The following SUZ12 variants were observed in gnomAD, a reference collection of about 807,000 sequenced individuals.
The protein encoded by SUZ12 is SUZ12 polycomb repressive complex 2 subunit.
Under a neutral mutation model 87.3 loss-of-function variants are expected in SUZ12, and 17 were observed. That is an observed-to-expected ratio of 0.19 (90% CI 0.13 to 0.29). SUZ12 has a LOEUF of 0.29. SUZ12 is among the 10% of genes least tolerant of loss of function. The pLI is 1.00. For missense variants in SUZ12, 526 were observed against 912.2 expected (o/e 0.58, Z 5.45); for synonymous variants, 253 against 312.4 (o/e 0.81, Z 2.01).
intron 4 of SUZ12, among the ~76,000 whole-genome samples, chr17:31,964,446 A>G (rs543038): frequency 0.22 from 30,541 of 136,532 alleles, 3,083 homozygotes; most frequent in African/African-American, 0.42. Context: ...TCCCCCTGTC[A>G]CCCAGGCTGG....
At chr17:31,942,623 C>T (rs1906372522) in intron 3 of SUZ12, among the ~76,000 whole-genome samples, 1 of 152,200 alleles carries the variant, frequency 6.6e-6, no homozygotes, top group African/African-American at 2.4e-5. Context: ...AGACCTGAGC[C>T]ACAGCGCCCG....
chr17:31,975,062 T>TAAGGAC (rs1908664819), intron 6 of SUZ12, among the ~76,000 whole-genome samples: 1 of 152,198 alleles, frequency 6.6e-6, no homozygotes, highest in Non-Finnish European at 1.5e-5. Context: ...ATGGTCCTAT[T>TAAGGAC]AGTCACTGTC....
chr17:31,994,864 C>G, intron 13 of SUZ12, 143 bp downstream of exon 13: 2 of 741,600 alleles, frequency 2.7e-6, no homozygotes, highest in Non-Finnish European at 4.1e-6. Flanking sequence ...TTGTTAACTA[C>G]TTTATAACAC....
intron 8 of SUZ12, among the ~76,000 whole-genome samples, chr17:31,977,018 T>A (rs1567829114): frequency 6.6e-6 from 1 of 152,234 alleles, no homozygotes; most frequent in Non-Finnish European, 1.5e-5. Flanking sequence ...AAATGGTTAC[T>A]GTTTTAGAGA....
At chr17:31,945,005 G>A (rs529786855) in intron 3 of SUZ12, among the ~76,000 whole-genome samples, 35 of 148,092 alleles carry the variant, frequency 2.4e-4, no homozygotes, top group Non-Finnish European at 3.6e-4. Flanking sequence ...AAGTTCGAAG[G>A]TTGCTATGAA....
chr17:31,994,105 A>T (rs1241359321), intron 12 of SUZ12, 97 bp downstream of exon 12: 1 of 1,195,216 alleles, frequency 8.4e-7, no homozygotes, highest in Non-Finnish European at 1.1e-6. Context: ...TTTTAAATTA[A>T]AAAAGGGAAA....
In SUZ12 at chr17:31,937,013, A is replaced by G; in HGVS notation, c.-234A>G. 1 of 358,060 alleles carries G rather than the reference A, an allele frequency of 2.8e-6. No individual in the cohort carries two copies. Among genetic ancestry groups the G allele is most frequent in the African/African-American group, 2.1e-5 (1 of 47,750 alleles). The allele number at this position is 358,060 out of a possible 1,614,324, so 22.2% of individuals were successfully genotyped here. ...CCGGGCGGGGGAAGTGGGCGGAGCG[A>G]GGCCAGGGTAGGGTGAGCGGCCTCC... On this transcript the variant is annotated 5_prime_UTR_variant, in exon 1 of 16. Coordinates refer to ENST00000322652, the MANE Select transcript of SUZ12 (RefSeq NM_015355.4).
At chr17:31,995,844 T>C in intron 14 of SUZ12, 82 bp downstream of exon 14, 1 of 1,023,236 alleles carries the variant, frequency 9.8e-7, no homozygotes, top group South Asian at 1.6e-5. Flanking sequence ...TAGACTTTTA[T>C]TGTAAAGGAA....
intron 10 of SUZ12, among the ~76,000 whole-genome samples, chr17:31,992,930 C>G (rs1909795384): frequency 6.6e-6 from 1 of 151,992 alleles, no homozygotes; most frequent in South Asian, 2.1e-4. Flanking sequence ...TGGTCTCTAA[C>G]TCCTGACATC....
intron 4 of SUZ12, among the ~76,000 whole-genome samples, chr17:31,962,080 T>C (rs1174777424): frequency 6.6e-6 from 1 of 152,204 alleles, no homozygotes; most frequent in African/African-American, 2.4e-5. Flanking sequence ...TAGCTCTTGA[T>C]TGATTGGGTT....
At chr17:31,984,959 C>T (rs1441703821) in intron 9 of SUZ12, among the ~76,000 whole-genome samples, 1 of 151,990 alleles carries the variant, frequency 6.6e-6, no homozygotes, top group Non-Finnish European at 1.5e-5. Flanking sequence ...AATTTGACAC[C>T]AGCCTGGCCA....
At position 31,937,381 on chromosome 17, in the gene SUZ12, C is replaced by T. The variant is rs1461438563; in HGVS notation, c.135C>T (p.Ser45=). The change falls in exon 1 of 16, where the codon AGC becomes AGT. Residue 45 remains serine, a synonymous_variant. Coordinates refer to ENST00000322652, the MANE Select transcript of SUZ12 (RefSeq NM_015355.4). ...CGGGCGGCAAATCCGGCGGCGGGAG[C>T]TGTGGAGGGGGTGGCAGTTACTCGG... ...TASGGKSGGG[S]CGGGGSYSAS... is the part of the protein sequence containing the mutation. 4 of 1,516,456 alleles carry T rather than the reference C, an allele frequency of 2.6e-6. No homozygotes were observed. Among genetic ancestry groups the T allele is most frequent in the African/African-American group, 1.4e-5 (1 of 69,488 alleles). 93.9% of individuals were successfully genotyped at this position (1,516,456 alleles called of 1,614,324 possible).
intron 6 of SUZ12, among the ~76,000 whole-genome samples, chr17:31,973,605 T>G (rs192502514): frequency 2.0e-3 from 300 of 152,348 alleles, no homozygotes; most frequent in African/African-American, 6.4e-3. Flanking sequence ...AAGATTATCC[T>G]TTGTAACACT....
rs775377819 is a variant in SUZ12 at position 31,975,545 on chromosome 17, C to T, written c.655C>T (p.Leu219Phe). ...GKKQVPLNPD[L>F]NQTKPGNFPS... ...AAAGCAGGTGCCTTTGAATCCTGAC[C>T]TCAATCAAACAAAACCCGGAAATTT... The change falls in exon 7 of 16, where the codon CTC (leucine) becomes TTC (phenylalanine). Residue 219 changes from leucine to phenylalanine, a missense_variant. Coordinates refer to ENST00000322652, the MANE Select transcript of SUZ12 (RefSeq NM_015355.4). 3 of 1,613,710 alleles carry T rather than the reference C, an allele frequency of 1.9e-6. No individual in the cohort carries two copies. Among genetic ancestry groups the T allele is most frequent in the African/African-American group, 2.7e-5 (2 of 74,876 alleles).
chr17:31,948,255 T>C (rs1394509397), intron 4 of SUZ12, among the ~76,000 whole-genome samples: 1 of 152,208 alleles, frequency 6.6e-6, no homozygotes, highest in Non-Finnish European at 1.5e-5. Flanking sequence ...CTAGAACGAA[T>C]CCCTAAATGT....
At chr17:31,952,553 A>T (rs1402917183) in intron 4 of SUZ12, among the ~76,000 whole-genome samples, 2 of 152,040 alleles carry the variant, frequency 1.3e-5, no homozygotes, top group East Asian at 3.9e-4. Flanking sequence ...CAATTTTGGA[A>T]TTATCTTTTT....
At chr17:31,947,203 G>A (rs1481178596) in intron 3 of SUZ12, among the ~76,000 whole-genome samples, 2 of 152,132 alleles carry the variant, frequency 1.3e-5, no homozygotes, top group African/African-American at 4.8e-5. Context: ...CACTATGCCA[G>A]CACTGCATAG....
Position 31,983,754 on chromosome 17 carries a change from C to T in SUZ12, c.1023+650C>T, listed in dbSNP as rs148671353. Among the ~76,000 whole-genome samples, 950 of 152,228 alleles carry T rather than the reference C, an allele frequency of 6.2e-3. 10 individuals are homozygous for T. The highest frequency in any genetic ancestry group is 0.019 in the African/African-American group (792 of 41,538). ...AATATTTAGTACAGTGCCTGGCATA[C>T]AATAAGTGCTCAATAAATGTTAACG... is the stretch of plus-strand genomic sequence containing the variant. On this transcript the variant is annotated intron_variant, in intron 9 of 15. Coordinates refer to ENST00000322652, the MANE Select transcript of SUZ12 (RefSeq NM_015355.4).
intron 10 of SUZ12, among the ~76,000 whole-genome samples, chr17:31,992,347 CAT>C (rs1409381732): frequency 1.3e-5 from 2 of 152,110 alleles, no homozygotes; most frequent in Admixed American, 6.6e-5. Flanking sequence ...ATGGTAATGA[CAT>C]ATAATTACTT....
Sources: gnomAD v4.1 joint callset for allele counts (sites outside exome capture counted in the v4.1 genomes callset) on GRCh38, gnomAD v4.1.1 for gene constraint, MANE v1.5 for transcripts, NCBI Gene and HGNC (gene_info 2026-07-23, HGNC 2026-07-21) for gene names.